The following ELL2 variants were observed in gnomAD, a reference collection of about 807,000 sequenced individuals.
The protein encoded by ELL2 is RNA polymerase II elongation factor ELL2.
In ELL2, 21 loss-of-function variants were observed where a neutral mutation model predicts 72.8. That is an observed-to-expected ratio of 0.29 (90% CI 0.20 to 0.42). The LOEUF is 0.42. ELL2 is among the 10% of genes least tolerant of loss of function. The pLI is 1.00. For missense variants in ELL2, 568 were observed against 772.8 expected, an observed-to-expected ratio of 0.73 and a Z score of 3.14; for synonymous variants, 266 against 283.2, an observed-to-expected ratio of 0.94 and a Z score of 0.61.
rs1225203718 is a variant in ELL2, at chr5:95,885,640, C to T, written c.*3231G>A. The T allele has an allele frequency of 6.6e-6, 1 of 152,170 alleles. No individual in the cohort carries two copies. Among genetic ancestry groups the T allele is most frequent in the African/African-American group, 2.4e-5 (1 of 41,436 alleles). The allele number at this position is 152,170 out of a possible 1,614,324, so 9.4% of individuals were successfully genotyped here. ...GTCTGAATTGATGGACCACTTTTGTCTAAAACTAATTTCAACATCTTCCAA... is the reference window on the plus strand; with the variant it reads ...GTCTGAATTGATGGACCACTTTTGTTTAAAACTAATTTCAACATCTTCCAA... On this transcript the variant is annotated 3_prime_UTR_variant, in exon 12 of 12. Coordinates refer to ENST00000237853, the MANE Select transcript of ELL2 (RefSeq NM_012081.6).
intron 1 of ELL2, among the ~76,000 whole-genome samples, chr5:95,951,139 G>A (rs767050439): frequency 4.2e-4 from 63 of 151,370 alleles, no homozygotes; most frequent in Non-Finnish European, 7.4e-4. Flanking sequence ...GGAGGCCGAC[G>A]TGGGTGGATC....
intron 1 of ELL2, among the ~76,000 whole-genome samples, chr5:95,959,967 T>G (rs1215891105): frequency 6.6e-6 from 1 of 152,176 alleles, no homozygotes; most frequent in Non-Finnish European, 1.5e-5. Context: ...TTCCTCTGTG[T>G]GCACACTTAT....
At chr5:95,947,202 A>T (rs1403658874) in intron 1 of ELL2, among the ~76,000 whole-genome samples, 3 of 152,200 alleles carry the variant, frequency 2.0e-5, no homozygotes, top group Non-Finnish European at 4.4e-5. Flanking sequence ...TCAGCTAAAA[A>T]AAAAAAGTAT....
chr5:95,899,437 G>C (rs184140891), intron 7 of ELL2, among the ~76,000 whole-genome samples: 3 of 146,848 alleles, frequency 2.0e-5, no homozygotes, highest in African/African-American at 7.9e-5. Flanking sequence ...CTCTATCACT[G>C]TTGAAATGCT....
Position 95,885,098 on chromosome 5 carries a change from T to A in ELL2, c.*3773A>T, listed in dbSNP as rs908467784. 6.6e-6 allele frequency: 1 copy of A among 152,178 alleles called. No individual in the cohort carries two copies. The highest frequency in any genetic ancestry group is 1.5e-5 in the Non-Finnish European group (1 of 68,020). 9.4% of individuals were successfully genotyped at this position (152,178 alleles called of 1,614,324 possible). ...GACAAAGGAAAAACAAGTACCAGAA[T>A]TGCAAAGTTAACATTTTTATTGAAC... is the stretch of plus-strand genomic sequence containing the variant. On this transcript the variant is annotated 3_prime_UTR_variant, in exon 12 of 12. Coordinates refer to ENST00000237853, the MANE Select transcript of ELL2 (RefSeq NM_012081.6).
At position 95,891,211 on chromosome 5, in the gene ELL2, C is replaced by T. The variant is rs1447101895; in HGVS notation, c.1653G>A (p.Glu551=). ...CATGCAAAGCTCTGTACTCATCATA[C>T]TCTGCATTGAAGTCATCCTTATAAT... ...RQNYKDDFNA[E]YDEYRALHAR... is the part of the protein sequence containing the mutation. Residue 551 remains glutamate (E), a synonymous_variant, in exon 10 of 12, where the codon GAG becomes GAA. Coordinates refer to ENST00000237853, the MANE Select transcript of ELL2 (RefSeq NM_012081.6). 1 of 1,614,204 alleles carries T rather than the reference C, an allele frequency of 6.2e-7. No homozygotes were observed. The highest frequency in any genetic ancestry group is 1.3e-5 in the African/African-American group (1 of 75,054).
intron 6 of ELL2, 22 bp from the exon 7 acceptor site, chr5:95,900,802 T>C (rs1225194460): frequency 3.8e-6 from 6 of 1,588,504 alleles, no homozygotes; most frequent in Middle Eastern, 1.7e-4. Context: ...ACACATGTTA[T>C]GTGTTAAGGA....
At chr5:95,921,490 T>C (rs1040960236) in intron 2 of ELL2, among the ~76,000 whole-genome samples, 1 of 152,240 alleles carries the variant, frequency 6.6e-6, no homozygotes, top group Non-Finnish European at 1.5e-5. Context: ...TCCCCAGTTC[T>C]AAAGTGCTGT....
intron 2 of ELL2, among the ~76,000 whole-genome samples, chr5:95,924,224 T>C (rs1020815306): frequency 6.6e-6 from 1 of 151,936 alleles, no homozygotes; most frequent in Non-Finnish European, 1.5e-5. Flanking sequence ...TATTCCATTG[T>C]GTATCTACAC....
chr5:95,889,751 A>G (rs533643229), intron 10 of ELL2, among the ~76,000 whole-genome samples: 43 of 152,342 alleles, frequency 2.8e-4, no homozygotes, highest in Middle Eastern at 3.4e-3. Flanking sequence ...AATACGGTAT[A>G]TATGTTGAAA....
intron 2 of ELL2, among the ~76,000 whole-genome samples, chr5:95,935,341 T>A (rs1239841808): frequency 6.6e-6 from 1 of 152,204 alleles, no homozygotes; most frequent in Non-Finnish European, 1.5e-5. Context: ...CTGTCATTGT[T>A]CTTAATTAAT....
At chr5:95,900,896 GACTT>G (rs1749112955) in intron 6 of ELL2, 56 bp downstream of exon 6, 1 of 1,564,556 alleles carries the variant, frequency 6.4e-7, no homozygotes, top group African/African-American at 1.4e-5. Flanking sequence ...CTAAAATAAT[GACTT>G]ATTTCCATAA....
intron 5 of ELL2, 171 bp from the exon 6 acceptor site, chr5:95,901,251 G>T: frequency 1.7e-6 from 1 of 592,386 alleles, no homozygotes; most frequent in African/African-American, 1.9e-5. Context: ...ACTTCATTTT[G>T]GGAATTAAAG....
At chr5:95,912,305 GT>G (rs370687865) in intron 4 of ELL2, among the ~76,000 whole-genome samples, 12 of 151,016 alleles carry the variant, frequency 7.9e-5, no homozygotes, top group African/African-American at 2.7e-4. Context: ...CAAGGGGAGG[GT>G]TTTTTTTTCA....
intron 4 of ELL2, among the ~76,000 whole-genome samples, chr5:95,909,960 C>T (rs1186010895): frequency 1.3e-5 from 2 of 152,144 alleles, no homozygotes; most frequent in South Asian, 2.1e-4. Flanking sequence ...AACACAGACC[C>T]AAGGCTTTAA....
At chr5:95,911,577 A>G (rs1327431518) in intron 4 of ELL2, among the ~76,000 whole-genome samples, 1 of 151,898 alleles carries the variant, frequency 6.6e-6, no homozygotes, top group Non-Finnish European at 1.5e-5. Flanking sequence ...CGATCTCTTG[A>G]CCTCGTGATC....
intron 2 of ELL2, among the ~76,000 whole-genome samples, chr5:95,923,076 G>A (rs1750153530): frequency 6.6e-6 from 1 of 151,934 alleles, no homozygotes; most frequent in Admixed American, 6.6e-5. Context: ...AACAGAAATA[G>A]GTCATCCCCT....
intron 2 of ELL2, among the ~76,000 whole-genome samples, chr5:95,922,874 C>T (rs1750143195): frequency 6.6e-6 from 1 of 152,200 alleles, no homozygotes; most frequent in Non-Finnish European, 1.5e-5. Context: ...TTGTGTTACA[C>T]ATAGATTAAA....
intron 5 of ELL2, among the ~76,000 whole-genome samples, chr5:95,905,292 C>T (rs11741563): frequency 0.29 from 44,010 of 151,852 alleles, 6,518 homozygotes; most frequent in East Asian, 0.41. Context: ...TATGTATATA[C>T]ACAATCACAT....
Sources: allele counts gnomAD v4.1 joint callset (sites outside exome capture counted in the v4.1 genomes callset), GRCh38; gene constraint gnomAD v4.1.1; transcripts MANE v1.5; gene names NCBI Gene and HGNC (gene_info 2026-07-23, HGNC 2026-07-21).